Variants in GALNT17 observed in about 807,000 individuals in gnomAD.
The protein encoded by GALNT17 is polypeptide N-acetylgalactosaminyltransferase 17, also known as UDP-GalNAc:polypeptide N-acetylgalactosaminyltransferase-like 3.
GALNT17 carries 29 observed loss-of-function variants against 63.7 expected under a neutral mutation model. That is an observed-to-expected ratio of 0.46 (90% CI 0.34 to 0.62). The LOEUF (loss-of-function observed/expected upper bound fraction) is 0.62. Among genes scored for constraint, GALNT17 ranks in the 20% least tolerant of loss-of-function variants. The pLI is 0.01. For missense variants in GALNT17, 603 were observed against 799.6 expected, an observed-to-expected ratio of 0.75 and a Z score of 2.97; for synonymous variants, 305 against 318.3, an observed-to-expected ratio of 0.96 and a Z score of 0.45.
chr7:71,568,782 A>G (rs768143493), intron 5 of GALNT17, among the ~76,000 whole-genome samples: 38 of 152,208 alleles, frequency 2.5e-4, no homozygotes, highest in Non-Finnish European at 3.4e-4. Flanking sequence ...TATTGATACT[A>G]TACTACAATG....
At chr7:71,658,389 G>T (rs1391607932) in intron 6 of GALNT17, among the ~76,000 whole-genome samples, 5 of 152,116 alleles carry the variant, frequency 3.3e-5, no homozygotes, top group African/African-American at 9.7e-5. Context: ...AGAACAATGT[G>T]TCCTGCCTAA....
intron 1 of GALNT17, among the ~76,000 whole-genome samples, chr7:71,311,931 C>G (rs759438281): frequency 6.6e-6 from 1 of 152,080 alleles, no homozygotes; most frequent in Non-Finnish European, 1.5e-5. Flanking sequence ...GACTCTGGAC[C>G]GGATTGAAGA....
At chr7:71,526,819 C>T (rs1417355421) in intron 5 of GALNT17, among the ~76,000 whole-genome samples, 2 of 152,224 alleles carry the variant, frequency 1.3e-5, no homozygotes, top group East Asian at 1.9e-4. Flanking sequence ...TGGCCAATTA[C>T]GTGTGATTTA....
At chr7:71,531,251 A>C (rs955781336) in intron 5 of GALNT17, among the ~76,000 whole-genome samples, 1 of 152,168 alleles carries the variant, frequency 6.6e-6, no homozygotes, top group Non-Finnish European at 1.5e-5. Flanking sequence ...TAATAGTAAA[A>C]GCAAAAAAAA....
intron 6 of GALNT17, among the ~76,000 whole-genome samples, chr7:71,639,048 A>G (rs926031603): frequency 6.6e-6 from 1 of 152,212 alleles, no homozygotes; most frequent in Non-Finnish European, 1.5e-5. Flanking sequence ...ACTATAGTCT[A>G]TAACAACTCA....
intron 1 of GALNT17, among the ~76,000 whole-genome samples, chr7:71,209,748 C>T (rs1285997324): frequency 6.6e-6 from 1 of 151,936 alleles, no homozygotes; most frequent in Non-Finnish European, 1.5e-5. Context: ...ATACCCGAGA[C>T]TGGGAAGAAA....
At chr7:71,258,245 A>G (rs1790322918) in intron 1 of GALNT17, among the ~76,000 whole-genome samples, 1 of 152,260 alleles carries the variant, frequency 6.6e-6, no homozygotes, top group Non-Finnish European at 1.5e-5. Flanking sequence ...GTCAACAAGA[A>G]GCATTTGCTT....
chr7:71,399,159 G>A (rs999695352), intron 3 of GALNT17, among the ~76,000 whole-genome samples: 14 of 152,152 alleles, frequency 9.2e-5, no homozygotes, highest in Non-Finnish European at 1.3e-4. Flanking sequence ...ACTTGAGCCC[G>A]GGAGGTGGAG....
chr7:71,161,667 G>C (rs1332312557), intron 1 of GALNT17, among the ~76,000 whole-genome samples: 2 of 151,812 alleles, frequency 1.3e-5, no homozygotes, highest in Non-Finnish European at 2.9e-5. Flanking sequence ...CAATTTTTTT[G>C]CATGTAACTT....
At chr7:71,633,817 G>A (rs915544310) in intron 6 of GALNT17, among the ~76,000 whole-genome samples, 1 of 152,164 alleles carries the variant, frequency 6.6e-6, no homozygotes, top group African/African-American at 2.4e-5. Flanking sequence ...TTGCAGGTAG[G>A]GTCCAAAGGA....
chr7:71,223,238 C>T (rs927421241), intron 1 of GALNT17, among the ~76,000 whole-genome samples: 10 of 152,104 alleles, frequency 6.6e-5, no homozygotes, highest in African/African-American at 1.9e-4. Context: ...CACTGATGGA[C>T]GTTGCTGGCA....
chr7:71,420,205 T>G (rs370490652), intron 4 of GALNT17, among the ~76,000 whole-genome samples: 6 of 152,262 alleles, frequency 3.9e-5, no homozygotes, highest in African/African-American at 9.6e-5. Flanking sequence ...GGGCTACACC[T>G]TGAACCTGGA....
chr7:71,696,430 C>A (rs1008314069), intron 9 of GALNT17, among the ~76,000 whole-genome samples: 1 of 152,080 alleles, frequency 6.6e-6, no homozygotes, highest in Non-Finnish European at 1.5e-5. Flanking sequence ...CTACATTTTG[C>A]ATTTAGCCAT....
intron 5 of GALNT17, among the ~76,000 whole-genome samples, chr7:71,436,705 C>T (rs146858230): frequency 0.014 from 2,057 of 150,232 alleles, 42 homozygotes; most frequent in African/African-American, 0.047. Flanking sequence ...GGCGACAGAG[C>T]GAGACTCCAT....
chr7:71,294,643 G>A, intron 1 of GALNT17, among the ~76,000 whole-genome samples: 1 of 152,070 alleles, frequency 6.6e-6, no homozygotes, highest in East Asian at 1.9e-4. Context: ...TTGAACTCCT[G>A]ACCTCAGGTA....
At chr7:71,144,781 G>T (rs370037689) in intron 1 of GALNT17, among the ~76,000 whole-genome samples, 2 of 152,132 alleles carry the variant, frequency 1.3e-5, no homozygotes, top group Non-Finnish European at 1.5e-5. Flanking sequence ...ACAGGCTGGA[G>T]TGCAGTGGCA....
At chr7:71,580,324 T>G (rs557113194) in intron 6 of GALNT17, among the ~76,000 whole-genome samples, 1 of 151,842 alleles carries the variant, frequency 6.6e-6, no homozygotes, top group African/African-American at 2.4e-5. Flanking sequence ...GATAGATGGA[T>G]ACAAAGAAGA....
intron 9 of GALNT17, among the ~76,000 whole-genome samples, chr7:71,703,738 G>C (rs188105779): frequency 2.0e-5 from 3 of 152,294 alleles, no homozygotes; most frequent in African/African-American, 7.2e-5. Context: ...ATAAAGATCC[G>C]GTTATATTTG....
intron 5 of GALNT17, among the ~76,000 whole-genome samples, chr7:71,422,174 C>G (rs1188047966): frequency 6.6e-6 from 1 of 152,038 alleles, no homozygotes; most frequent in Non-Finnish European, 1.5e-5. Flanking sequence ...TCTGGTCCTT[C>G]TGGGGGCTCT....
Sources: allele counts gnomAD v4.1 joint callset (sites outside exome capture counted in the v4.1 genomes callset), GRCh38; gene constraint gnomAD v4.1.1; transcripts MANE v1.5; gene names NCBI Gene and HGNC (gene_info 2026-07-23, HGNC 2026-07-21).